ARHGAP26: variants seen among roughly 807,000 people sequenced by gnomAD.
The protein encoded by ARHGAP26 is Rho GTPase activating protein 26.
Under a neutral mutation model 104.8 loss-of-function variants are expected in ARHGAP26, and 38 were observed. That is an observed-to-expected ratio of 0.36 (90% CI 0.28 to 0.48). ARHGAP26 has a LOEUF of 0.48. Ranked by LOEUF, ARHGAP26 falls within the 20% of genes least tolerant of loss-of-function variation. The pLI, the probability that ARHGAP26 is intolerant of heterozygous loss-of-function variation, is 0.99. For synonymous variants in ARHGAP26, 341 were observed against 340.0 expected, an observed-to-expected ratio of 1.00 and a Z score of -0.03; for missense variants, 704 against 947.9, an observed-to-expected ratio of 0.74 and a Z score of 3.38.
At chr5:142,803,592 T>C (rs1310884828) in intron 1 of ARHGAP26, among the ~76,000 whole-genome samples, 2 of 152,222 alleles carry the variant, frequency 1.3e-5, no homozygotes, top group Non-Finnish European at 2.9e-5. Context: ...GTGATGACAC[T>C]TCCTTCAACC....
chr5:143,154,246 C>T (rs1423552899), intron 20 of ARHGAP26, among the ~76,000 whole-genome samples: 3 of 151,092 alleles, frequency 2.0e-5, no homozygotes, highest in African/African-American at 2.4e-5. Context: ...CAGTATGTCA[C>T]ACAGTATATT....
intron 1 of ARHGAP26, among the ~76,000 whole-genome samples, chr5:142,784,664 G>A (rs1758180581): frequency 6.6e-6 from 1 of 152,138 alleles, no homozygotes; most frequent in South Asian, 2.1e-4. Context: ...GCAGCATGGG[G>A]GTAGGCGATG....
At chr5:142,994,151 T>C (rs868405480) in intron 11 of ARHGAP26, among the ~76,000 whole-genome samples, 16 of 152,192 alleles carry the variant, frequency 1.1e-4, no homozygotes, top group Middle Eastern at 3.2e-3. Context: ...CATAGTGCTA[T>C]TGAAATAGAA....
chr5:142,926,725 T>C (rs1763957868), intron 10 of ARHGAP26, among the ~76,000 whole-genome samples: 2 of 152,004 alleles, frequency 1.3e-5, no homozygotes, highest in African/African-American at 4.8e-5. Flanking sequence ...GTGTTGGGAG[T>C]GGGAATCACA....
chr5:143,019,730 G>A (rs918016543), intron 12 of ARHGAP26, among the ~76,000 whole-genome samples: 1 of 152,160 alleles, frequency 6.6e-6, no homozygotes, highest in Non-Finnish European at 1.5e-5. Flanking sequence ...CAAGTTTGAT[G>A]TTTTAAATAA....
At position 142,901,943 on chromosome 5, in the gene ARHGAP26, C is replaced by T. The variant is rs1490711398; in HGVS notation, c.606C>T (p.Ala202=). 2 of 1,613,844 alleles carry T rather than the reference C, an allele frequency of 1.2e-6. No individual in the cohort carries two copies. The highest frequency in any genetic ancestry group is 2.2e-5 in the South Asian group (2 of 91,064). Residue 202 remains alanine, a synonymous_variant, in exon 7 of 23, where the codon GCC becomes GCT. Transcript: ENST00000645722. ...KMFEFVEPLL[A]FLQGLFTFYH... is the part of the protein sequence containing the mutation. ...TTCTTCCTTCATTACAGCTGCTGGC[C>T]TTCCTGCAAGGACTCTTCACTTTCT...
At chr5:143,174,818 A>ATACAC (rs1288406980) in intron 20 of ARHGAP26, among the ~76,000 whole-genome samples, 2 of 152,208 alleles carry the variant, frequency 1.3e-5, no homozygotes, top group African/African-American at 4.8e-5. Context: ...ATACTTGCTG[A>ATACAC]TACACTACCT....
At chr5:142,893,467 G>A (rs960426769) in intron 5 of ARHGAP26, among the ~76,000 whole-genome samples, 2 of 152,124 alleles carry the variant, frequency 1.3e-5, no homozygotes, top group Admixed American at 6.5e-5. Context: ...TGGCTGAATA[G>A]CAGTCTGTGT....
chr5:143,207,183 T>G lies in ARHGAP26; in HGVS notation c.1989-15T>G, dbSNP rs1315900602. 1 of 1,610,122 alleles carries G rather than the reference T, an allele frequency of 6.2e-7. No homozygotes were observed. The highest frequency in any genetic ancestry group is 8.5e-7 in the Non-Finnish European group (1 of 1,177,730). On this transcript the variant is annotated splice_polypyrimidine_tract_variant and intron_variant, in intron 20 of 22. Coordinates refer to ENST00000645722, the MANE Select transcript of ARHGAP26 (RefSeq NM_001135608.3). ...CCTGTGTGCTGACAAGTTTTCTGGT[T>G]GTTATGTCTTGCAGCCCCCCGAATC...
At chr5:143,139,786 T>G (rs1798304209) in intron 19 of ARHGAP26, among the ~76,000 whole-genome samples, 1 of 152,200 alleles carries the variant, frequency 6.6e-6, no homozygotes, top group Non-Finnish European at 1.5e-5. Context: ...AATCTCCAAG[T>G]TTCCACACAG....
At chr5:142,948,130 G>A (rs1410571106) in intron 11 of ARHGAP26, among the ~76,000 whole-genome samples, 4 of 152,104 alleles carry the variant, frequency 2.6e-5, no homozygotes, top group Admixed American at 2.0e-4. Context: ...CACTTTAGAC[G>A]TGGCACTTTC....
At chr5:142,927,269 G>A (rs563828687) in intron 10 of ARHGAP26, among the ~76,000 whole-genome samples, 60 of 149,460 alleles carry the variant, frequency 4.0e-4, no homozygotes, top group Non-Finnish European at 4.4e-5. Context: ...GATATAGAAT[G>A]TTTCTGTCAC....
chr5:143,193,468 C>T (rs1221969293), intron 20 of ARHGAP26, among the ~76,000 whole-genome samples: 6 of 151,920 alleles, frequency 3.9e-5, no homozygotes, highest in African/African-American at 9.7e-5. Context: ...AGGCTGGTCT[C>T]GAACTCCTGA....
chr5:142,883,500 A>G (rs1040536079), intron 4 of ARHGAP26, among the ~76,000 whole-genome samples: 3 of 152,216 alleles, frequency 2.0e-5, no homozygotes, highest in Non-Finnish European at 2.9e-5. Flanking sequence ...ACTCAGATTC[A>G]TGGAAATGAG....
At chr5:143,034,345 C>T (rs1782315335) in intron 12 of ARHGAP26, among the ~76,000 whole-genome samples, 1 of 152,016 alleles carries the variant, frequency 6.6e-6, no homozygotes, top group East Asian at 1.9e-4. Context: ...TGGAAATGGC[C>T]CAAATATCTA....
At chr5:142,829,777 T>C (rs1768025829) in intron 1 of ARHGAP26, among the ~76,000 whole-genome samples, 2 of 152,198 alleles carry the variant, frequency 1.3e-5, no homozygotes, top group Admixed American at 6.5e-5. Context: ...TCTGGCTGTC[T>C]CCACTGCCCC....
At chr5:143,130,275 G>T (rs768243935) in intron 18 of ARHGAP26, among the ~76,000 whole-genome samples, 1 of 152,226 alleles carries the variant, frequency 6.6e-6, no homozygotes. Context: ...GAGTTACCCA[G>T]AGTTATATTT....
intron 1 of ARHGAP26, among the ~76,000 whole-genome samples, chr5:142,771,978 A>C (rs991267753): frequency 1.4e-4 from 21 of 152,346 alleles, no homozygotes; most frequent in Non-Finnish European, 2.2e-4. Context: ...ATCAGGAACC[A>C]CATGAAGGCA....
intron 17 of ARHGAP26, among the ~76,000 whole-genome samples, chr5:143,076,159 A>ATT (rs368079758): frequency 0.018 from 1,982 of 109,876 alleles, 35 homozygotes; most frequent in African/African-American, 0.03. Flanking sequence ...GACCTGGCTA[A>ATT]TTTTTTTTTT....
Sources: gnomAD v4.1 joint callset for allele counts (sites outside exome capture counted in the v4.1 genomes callset) on GRCh38, gnomAD v4.1.1 for gene constraint, MANE v1.5 for transcripts, NCBI Gene and HGNC (gene_info 2026-07-23, HGNC 2026-07-21) for gene names.